The following ZNF730 variants were observed in gnomAD, a reference collection of about 807,000 sequenced individuals.
ZNF730 encodes the protein putative zinc finger protein 730.
Under a neutral mutation model 12.6 loss-of-function variants are expected in ZNF730, and 12 were observed. The ratio of observed to expected loss-of-function variants is 0.95; its 90% confidence interval spans 0.61 to 1.54. The LOEUF is 1.54. Ranked by LOEUF, ZNF730 falls within the 40% of genes most tolerant of loss-of-function variation. The probability of loss-of-function intolerance (pLI) is 0.00; values close to 1 mark genes in which losing one functional copy is unlikely to be tolerated. For synonymous variants in ZNF730, 194 were observed against 195.8 expected, an observed-to-expected ratio of 0.99 and a Z score of 0.08; for missense variants, 643 against 583.5, an observed-to-expected ratio of 1.10 and a Z score of -1.05.
At chr19:23,078,137 C>T (rs150716022) in intron 1 of ZNF730, among the ~76,000 whole-genome samples, 1,669 of 152,174 alleles carry the variant, frequency 0.011, 16 homozygotes, top group Non-Finnish European at 0.017. Context: ...AAGACCTGAC[C>T]GTCCCCCAGC....
chr19:23,079,961 T>G (rs1311569321), intron 1 of ZNF730, among the ~76,000 whole-genome samples: 1 of 152,176 alleles, frequency 6.6e-6, no homozygotes, highest in African/African-American at 2.4e-5. Context: ...ATTTATTTAT[T>G]TGGAGTCGAA....
At chr19:23,127,450 CCCTTCT>C (rs1970684530) in intron 1 of ZNF730, 2 of 1,096,214 alleles carry the variant, frequency 1.8e-6, no homozygotes, top group African/African-American at 3.1e-5. Context: ...TTGTCATTGA[CCCTTCT>C]CCTTCTCCAA....
At chr19:23,141,264 G>C (rs1239206099) in intron 3 of ZNF730, among the ~76,000 whole-genome samples, 3 of 151,576 alleles carry the variant, frequency 2.0e-5, no homozygotes, top group East Asian at 3.9e-4. Flanking sequence ...GTGTGGTGGC[G>C]GGCACCTGTA....
At chr19:23,104,386 G>A (rs764951254) in intron 1 of ZNF730, among the ~76,000 whole-genome samples, 11 of 151,686 alleles carry the variant, frequency 7.3e-5, no homozygotes, top group African/African-American at 1.2e-4. Context: ...TTAAGTAAAT[G>A]GACTGCACTC....
At chr19:23,087,756 C>T (rs1411216019) in intron 1 of ZNF730, among the ~76,000 whole-genome samples, 1 of 151,580 alleles carries the variant, frequency 6.6e-6, no homozygotes, top group East Asian at 2.0e-4. Flanking sequence ...GCTGGGATTA[C>T]AGGCATGCGC....
chr19:23,082,655 T>C (rs1292808300), intron 1 of ZNF730, among the ~76,000 whole-genome samples: 2 of 152,148 alleles, frequency 1.3e-5, no homozygotes, highest in East Asian at 3.9e-4. Flanking sequence ...CATAATTTTT[T>C]TTAATAGCTA....
chr19:23,120,452 A>G (rs926544757), intron 1 of ZNF730, among the ~76,000 whole-genome samples: 21 of 151,220 alleles, frequency 1.4e-4, no homozygotes, highest in Non-Finnish European at 2.5e-4. Flanking sequence ...TAGATTTTCT[A>G]GTTTTCACAG....
At position 23,085,836 on chromosome 19, in the gene ZNF730, C is replaced by CTTTT. The variant is rs556123915; in HGVS notation, c.-94+10473_-94+10476dup. ...GACCTATTTCACCCAATTTTTTTTT[C>CTTTT]TTTTTTTTTTTTTTTTTTTTTTTTT... On this transcript the variant is annotated intron_variant, in intron 1 of 2. Coordinates refer to the ZNF730 transcript ENST00000593635. Among the ~76,000 whole-genome samples the CTTTT allele has an allele frequency of 3.2e-3, 174 of 54,858 alleles. 28 individuals are homozygous for CTTTT. The highest frequency in any genetic ancestry group is 0.016 in the East Asian group (31 of 1,982). The allele number at this position is 54,858 out of a possible 152,430, so 36.0% of individuals were successfully genotyped here. A position where few individuals can be genotyped will look rare whatever the true frequency, so the allele number is the denominator to read the frequency against.
At chr19:23,119,043 T>C (rs1970566805) in intron 1 of ZNF730, among the ~76,000 whole-genome samples, 1 of 152,258 alleles carries the variant, frequency 6.6e-6, no homozygotes. Flanking sequence ...TTTATTTCTT[T>C]CTCTTGCCTG....
At chr19:23,096,456 A>G (rs1421351558) in intron 1 of ZNF730, among the ~76,000 whole-genome samples, 1 of 152,166 alleles carries the variant, frequency 6.6e-6, no homozygotes, top group Non-Finnish European at 1.5e-5. Context: ...AGGTGGTGTG[A>G]CACTCCTCTT....
Position 23,146,741 on chromosome 19 carries a change from C to A in ZNF730, c.*185C>A. The A allele has an allele frequency of 8.0e-7, 1 of 1,257,654 alleles. No individual in the cohort carries two copies. The highest frequency in any genetic ancestry group is 1.2e-6 in the Non-Finnish European group (1 of 857,752). 77.9% of individuals were successfully genotyped at this position (1,257,654 alleles called of 1,614,324 possible). ...AAACCTACAAATGTGAAGAATGTGG[C>A]AAAGTCTTCAACCAATCTTCACACC... On this transcript the variant is annotated 3_prime_UTR_variant, in exon 4 of 4. Coordinates refer to ENST00000597761, the MANE Select transcript of ZNF730 (RefSeq NM_001277403.2).
chr19:23,093,970 C>T (rs1970201210), intron 1 of ZNF730, among the ~76,000 whole-genome samples: 1 of 152,166 alleles, frequency 6.6e-6, no homozygotes. Flanking sequence ...GACTTGGCCA[C>T]CAGCTTGAAG....
At chr19:23,110,422 A>G in intron 1 of ZNF730, among the ~76,000 whole-genome samples, 1 of 142,064 alleles carries the variant, frequency 7.0e-6, no homozygotes, top group East Asian at 2.2e-4. Flanking sequence ...GATTACAGGC[A>G]TGCACCACCA....
At position 23,103,130 on chromosome 19, in the gene ZNF730, C is replaced by T. The variant is rs189140719; in HGVS notation, c.-94+27743C>T. ...ATTGTGACTGTCATATATGAACATC[C>T]GGCCAGAGTTGAAATCATGAGTCAT... is the stretch of plus-strand genomic sequence containing the variant. On this transcript the variant is annotated intron_variant, in intron 1 of 2. Transcript: ENST00000593635. Among the ~76,000 whole-genome samples the T allele has an allele frequency of 1.5e-4, 23 of 152,220 alleles. 1 individual carries two copies. In the East Asian group the frequency reaches 2.5e-3, roughly 17 times the overall value.
At chr19:23,118,004 CGG>C (rs1449041263) in intron 1 of ZNF730, among the ~76,000 whole-genome samples, 1 of 151,964 alleles carries the variant, frequency 6.6e-6, no homozygotes, top group East Asian at 1.9e-4. Flanking sequence ...GTTTCTCAAA[CGG>C]GGTCTCAAGT....
chr19:23,104,427 C>T (rs1970369224), intron 1 of ZNF730, among the ~76,000 whole-genome samples: 1 of 151,668 alleles, frequency 6.6e-6, no homozygotes, highest in Non-Finnish European at 1.5e-5. Flanking sequence ...TTGACTTTTG[C>T]TTGGTATATT....
chr19:23,105,672 T>C (rs1169902151), intron 1 of ZNF730, among the ~76,000 whole-genome samples: 1 of 152,214 alleles, frequency 6.6e-6, no homozygotes, highest in Non-Finnish European at 1.5e-5. Flanking sequence ...TTTATCATAT[T>C]ACCAGGATAT....
At chr19:23,107,475 A>AAAAC (rs752480467) in intron 1 of ZNF730, among the ~76,000 whole-genome samples, 2 of 118,934 alleles carry the variant, frequency 1.7e-5, no homozygotes, top group Non-Finnish European at 1.8e-5. Context: ...AAAAAAAAAA[A>AAAAC]CCACCACAGC....
upstream of ZNF730, chr19:23,117,013 G>C (rs62122971): frequency 3.5e-6 from 4 of 1,142,542 alleles, no homozygotes; most frequent in Non-Finnish European, 4.6e-6. Context: ...GCGGCTTCCG[G>C]GATTTGGCGC....
Sources: allele counts gnomAD v4.1 joint callset (sites outside exome capture counted in the v4.1 genomes callset), GRCh38; gene constraint gnomAD v4.1.1; transcripts MANE v1.5; gene names NCBI Gene and HGNC (gene_info 2026-07-23, HGNC 2026-07-21).